TTLL11: variants seen among roughly 807,000 people sequenced by gnomAD.
TTLL11 encodes tubulin polyglutamylase TTLL11.
TTLL11 carries 42 observed loss-of-function variants against 51.7 expected under a neutral mutation model. The observed-to-expected ratio is 0.81, with a 90% CI of 0.64 to 1.05. The LOEUF (loss-of-function observed/expected upper bound fraction) is 1.05. TTLL11 is among the 50% of genes least tolerant of loss of function. TTLL11 has a pLI of 0.00. For synonymous variants in TTLL11, 381 were observed against 383.5 expected (o/e 0.99, Z 0.08); for missense variants, 799 against 940.4 (o/e 0.85, Z 1.97).
intron 1 of TTLL11, among the ~76,000 whole-genome samples, chr9:122,051,968 AG>A (rs773773117): frequency 3.3e-5 from 5 of 152,212 alleles, no homozygotes; most frequent in Admixed American, 6.5e-5. Flanking sequence ...AGTCCAGAAG[AG>A]GCCAATTAAG....
chr9:122,004,353 ATT>A (rs112839875), intron 3 of TTLL11, among the ~76,000 whole-genome samples: 15 of 143,568 alleles, frequency 1.0e-4, no homozygotes, highest in African/African-American at 3.5e-4. Context: ...GCTTTACAGC[ATT>A]TTTTTTTTTT....
At chr9:121,994,022 A>G (rs1423148190) in intron 3 of TTLL11, among the ~76,000 whole-genome samples, 2 of 152,320 alleles carry the variant, frequency 1.3e-5, no homozygotes, top group East Asian at 3.9e-4. Flanking sequence ...AGCCCCTGCC[A>G]GCCTCAGGGA....
At chr9:121,892,053 AT>A (rs1839260388) in intron 6 of TTLL11, among the ~76,000 whole-genome samples, 1 of 144,514 alleles carries the variant, frequency 6.9e-6, no homozygotes. Flanking sequence ...ATATTAAAAA[AT>A]ATAAAAAATA....
intron 6 of TTLL11, among the ~76,000 whole-genome samples, chr9:121,899,386 T>TATATATATATAC (rs1839676995): frequency 9.5e-6 from 1 of 105,748 alleles, no homozygotes; most frequent in Admixed American, 1.0e-4. Context: ...TACATATATA[T>TATATATATATAC]ATATATATAT....
chr9:122,088,011 G>C (rs1007929153), intron 1 of TTLL11, among the ~76,000 whole-genome samples: 1 of 152,170 alleles, frequency 6.6e-6, no homozygotes, highest in African/African-American at 2.4e-5. Flanking sequence ...GCCAGAACGG[G>C]TATGACTGCA....
At chr9:121,880,879 G>T (rs962741575) in intron 6 of TTLL11, among the ~76,000 whole-genome samples, 1 of 152,242 alleles carries the variant, frequency 6.6e-6, no homozygotes, top group East Asian at 1.9e-4. Context: ...AAGCGAGGAG[G>T]CTGGGATTGG....
intron 3 of TTLL11, among the ~76,000 whole-genome samples, chr9:122,024,817 T>C (rs949665943): frequency 2.0e-5 from 3 of 152,106 alleles, no homozygotes; most frequent in Admixed American, 6.5e-5. Flanking sequence ...GCTAAAACTA[T>C]AGAACTTTTA....
intron 1 of TTLL11, among the ~76,000 whole-genome samples, chr9:122,078,534 G>C (rs1845917765): frequency 6.6e-6 from 1 of 152,206 alleles, no homozygotes; most frequent in African/African-American, 2.4e-5. Context: ...GGTGTCAGTA[G>C]TGCATAAAGT....
chr9:121,979,953 ATTAC>A (rs1490228561), intron 4 of TTLL11, among the ~76,000 whole-genome samples: 6 of 151,602 alleles, frequency 4.0e-5, no homozygotes, highest in Admixed American at 6.6e-5. Flanking sequence ...GCCTGAAGGC[ATTAC>A]TTACTTTGTG....
chr9:122,021,427 C>T (rs1028261204), intron 3 of TTLL11, among the ~76,000 whole-genome samples: 11 of 152,120 alleles, frequency 7.2e-5, no homozygotes, highest in African/African-American at 1.7e-4. Context: ...TCAGCATGCA[C>T]GTGAGGAAAC....
chr9:122,076,499 A>G (rs1564387583), intron 1 of TTLL11, among the ~76,000 whole-genome samples: 2 of 152,220 alleles, frequency 1.3e-5, no homozygotes, highest in Non-Finnish European at 2.9e-5. Flanking sequence ...GTCTCTGCTC[A>G]GAATGTCTAA....
intron 7 of TTLL11, among the ~76,000 whole-genome samples, chr9:121,869,344 T>C (rs958267104): frequency 2.6e-5 from 4 of 152,198 alleles, no homozygotes. Context: ...CTAATTATTT[T>C]AGTGAATAAA....
intron 6 of TTLL11, among the ~76,000 whole-genome samples, chr9:121,905,541 C>G (rs1202128480): frequency 6.6e-6 from 1 of 151,894 alleles, no homozygotes. Context: ...TTAGTAGAGA[C>G]GAGGTTTCAC....
intron 3 of TTLL11, among the ~76,000 whole-genome samples, chr9:122,012,480 C>G (rs1329578336): frequency 6.6e-6 from 1 of 151,514 alleles, no homozygotes; most frequent in South Asian, 2.1e-4. Flanking sequence ...CTCTAATGAT[C>G]GTATTCATCT....
chr9:122,009,219 G>T (rs187533437), intron 3 of TTLL11, among the ~76,000 whole-genome samples: 53 of 152,050 alleles, frequency 3.5e-4, no homozygotes, highest in Middle Eastern at 3.4e-3. Context: ...TATATGTGAG[G>T]TAATCTGCAT....
At position 121,815,945 on chromosome 9, in the gene TTLL11, C is replaced by T. The variant is rs981125711; in HGVS notation, c.*6642G>A. ...TGTCAGGGGCGTGGAGGTGGGCAGA[C>T]GTATTTCCTGGCATCCGTCTTGTTT... On this transcript the variant is annotated 3_prime_UTR_variant, in exon 9 of 9. Coordinates refer to ENST00000321582, the MANE Select transcript of TTLL11 (RefSeq NM_001139442.2). 1 of 152,204 alleles carries T rather than the reference C, an allele frequency of 6.6e-6. No homozygotes were observed. Among genetic ancestry groups the T allele is most frequent in the Non-Finnish European group, 1.5e-5 (1 of 68,050 alleles). 9.4% of individuals were successfully genotyped at this position (152,204 alleles called of 1,614,324 possible).
intron 1 of TTLL11, among the ~76,000 whole-genome samples, chr9:122,090,791 C>T (rs1846239676): frequency 6.6e-6 from 1 of 152,072 alleles, no homozygotes; most frequent in Admixed American, 6.5e-5. Context: ...AATATAATGC[C>T]TGGCGAAGTT....
Position 121,820,261 on chromosome 9 carries a change from G to T in TTLL11, c.*2326C>A, listed in dbSNP as rs959098033. 1.3e-5 allele frequency among the ~76,000 whole-genome samples: 2 copies of T among 152,220 alleles called. No individual in the cohort carries two copies. The highest frequency in any genetic ancestry group is 1.3e-4 in the Admixed American group (2 of 15,286). ...GGTTGGTTTTAGACCTGAACATTGC[G>T]CTCCACTTTGGCAAGCGAGTACTTT... On this transcript the variant is annotated 3_prime_UTR_variant, in exon 9 of 9. Transcript: ENST00000321582.
intron 1 of TTLL11, among the ~76,000 whole-genome samples, chr9:122,070,780 G>A (rs563886262): frequency 1.2e-3 from 185 of 152,282 alleles, no homozygotes; most frequent in Middle Eastern, 6.8e-3. Context: ...GTGCAGCATC[G>A]TGCCAGGGTG....
Sources: gnomAD v4.1 joint callset for allele counts (sites outside exome capture counted in the v4.1 genomes callset) on GRCh38, gnomAD v4.1.1 for gene constraint, MANE v1.5 for transcripts, NCBI Gene and HGNC (gene_info 2026-07-23, HGNC 2026-07-21) for gene names.